TAFA1: variants seen among roughly 807,000 people sequenced by gnomAD.
The protein encoded by TAFA1 is chemokine-like protein TAFA-1.
Under a neutral mutation model 18.5 loss-of-function variants are expected in TAFA1, and 4 were observed. That is an observed-to-expected ratio of 0.22 (90% CI 0.11 to 0.49). TAFA1 has a LOEUF of 0.49. TAFA1 is among the 20% of genes least tolerant of loss of function. The pLI, the probability that TAFA1 is intolerant of heterozygous loss-of-function variation, is 0.98. For missense variants in TAFA1, 147 were observed against 169.0 expected, an observed-to-expected ratio of 0.87 and a Z score of 0.72; for synonymous variants, 56 against 55.2, an observed-to-expected ratio of 1.01 and a Z score of -0.06.
intron 3 of TAFA1, among the ~76,000 whole-genome samples, chr3:68,514,568 A>G (rs75197305): frequency 0.019 from 2,818 of 152,212 alleles, 101 homozygotes; most frequent in African/African-American, 0.064. Context: ...CAAGGCAATG[A>G]CTGACTTCAG....
At chr3:68,205,125 A>C (rs1326229542) in intron 2 of TAFA1, among the ~76,000 whole-genome samples, 1 of 151,882 alleles carries the variant, frequency 6.6e-6, no homozygotes, top group Non-Finnish European at 1.5e-5. Flanking sequence ...GGATTATCTG[A>C]GGATGTCTTT....
At chr3:68,471,115 A>T (rs1436432661) in intron 3 of TAFA1, among the ~76,000 whole-genome samples, 2 of 152,210 alleles carry the variant, frequency 1.3e-5, no homozygotes, top group African/African-American at 4.8e-5. Flanking sequence ...GGCAGCTTCC[A>T]TGTGGTATTG....
chr3:68,132,286 A>G (rs1575635514), intron 2 of TAFA1, among the ~76,000 whole-genome samples: 1 of 152,144 alleles, frequency 6.6e-6, no homozygotes, highest in South Asian at 2.1e-4. Flanking sequence ...TCATTGACGG[A>G]CATTTGGGTT....
intron 3 of TAFA1, among the ~76,000 whole-genome samples, chr3:68,477,367 T>G (rs2072119790): frequency 6.6e-6 from 1 of 152,084 alleles, no homozygotes. Context: ...TTATAAATAG[T>G]GCTTTTAAAA....
intron 2 of TAFA1, among the ~76,000 whole-genome samples, chr3:68,023,120 C>G (rs1042329252): frequency 7.2e-5 from 11 of 151,876 alleles, no homozygotes; most frequent in Non-Finnish European, 1.6e-4. Flanking sequence ...GACTACAACA[C>G]AGAAATTTTC....
At chr3:68,299,423 C>T (rs573207431) in intron 2 of TAFA1, among the ~76,000 whole-genome samples, 1 of 152,234 alleles carries the variant, frequency 6.6e-6, no homozygotes, top group East Asian at 1.9e-4. Context: ...GACTTGGGTG[C>T]TCAGTTTTAC....
At chr3:68,359,083 T>C (rs538878767) in intron 2 of TAFA1, among the ~76,000 whole-genome samples, 4 of 152,062 alleles carry the variant, frequency 2.6e-5, no homozygotes, top group Non-Finnish European at 5.9e-5. Context: ...AGCACTGTTG[T>C]CTACTCTTGG....
At chr3:68,514,852 A>G (rs1332762631) in intron 3 of TAFA1, among the ~76,000 whole-genome samples, 2 of 152,312 alleles carry the variant, frequency 1.3e-5, no homozygotes, top group African/African-American at 2.4e-5. Context: ...TTTTAGTTGT[A>G]TATGACAGCC....
chr3:68,004,382 T>C lies in TAFA1; in HGVS notation c.-324T>C, dbSNP rs1704321975. ...ATTCTCATCAGGAAACTGCACATTATCTCCCCATCACTTCAAAGGTCTCGT... is the reference window on the plus strand; with the variant it reads ...ATTCTCATCAGGAAACTGCACATTACCTCCCCATCACTTCAAAGGTCTCGT... On this transcript the variant is annotated 5_prime_UTR_variant, in exon 1 of 5. Coordinates refer to ENST00000478136, the MANE Select transcript of TAFA1 (RefSeq NM_213609.4). 1 of 152,032 alleles carries C rather than the reference T, an allele frequency of 6.6e-6. No homozygotes were observed. The highest frequency in any genetic ancestry group is 1.5e-5 in the Non-Finnish European group (1 of 68,012). The allele number at this position is 152,032 out of a possible 1,614,324, so 9.4% of individuals were successfully genotyped here. A position where few individuals can be genotyped will look rare whatever the true frequency, so the allele number is the denominator to read the frequency against.
chr3:68,507,896 AGTAT>A (rs1384807117), intron 3 of TAFA1, among the ~76,000 whole-genome samples: 2 of 152,170 alleles, frequency 1.3e-5, no homozygotes, highest in Non-Finnish European at 2.9e-5. Flanking sequence ...ATTACAAAGT[AGTAT>A]TTATTTAGAT....
At chr3:68,346,011 A>T (rs1274165693) in intron 2 of TAFA1, among the ~76,000 whole-genome samples, 1 of 152,134 alleles carries the variant, frequency 6.6e-6, no homozygotes, top group African/African-American at 2.4e-5. Flanking sequence ...GCTACTTCGC[A>T]GCTCTTTTTT....
At chr3:68,044,673 G>C (rs1575589126) in intron 2 of TAFA1, among the ~76,000 whole-genome samples, 1 of 152,236 alleles carries the variant, frequency 6.6e-6, no homozygotes, top group African/African-American at 2.4e-5. Flanking sequence ...TAGAGAGAGA[G>C]AAAGTGTGCT....
At chr3:68,195,772 TTATAA>T (rs984223741) in intron 2 of TAFA1, among the ~76,000 whole-genome samples, 3 of 151,722 alleles carry the variant, frequency 2.0e-5, no homozygotes, top group Non-Finnish European at 3.0e-5. Flanking sequence ...ATTAGGGTTC[TTATAA>T]TATAATATTT....
At position 68,527,883 on chromosome 3, in the gene TAFA1, T is replaced by G. The variant is rs546035225; in HGVS notation, c.260-10873T>G. 4.6e-5 allele frequency among the ~76,000 whole-genome samples: 7 copies of G among 152,194 alleles called. No individual in the cohort carries two copies. In the East Asian group the frequency reaches 1.4e-3, roughly 29 times the overall value. ...TTCAATCCTCCCATTTCACAATCCATGTCCTCCCCTCTACCCTCACCAAGA... is the reference window on the plus strand; with the variant it reads ...TTCAATCCTCCCATTTCACAATCCAGGTCCTCCCCTCTACCCTCACCAAGA... On this transcript the variant is annotated intron_variant, in intron 3 of 4. Coordinates refer to ENST00000478136, the MANE Select transcript of TAFA1 (RefSeq NM_213609.4).
intron 2 of TAFA1, among the ~76,000 whole-genome samples, chr3:68,095,493 C>G (rs536329915): frequency 6.6e-6 from 1 of 152,240 alleles, no homozygotes; most frequent in South Asian, 2.1e-4. Context: ...TCAGGACCCA[C>G]TTTCCATGGT....
intron 2 of TAFA1, among the ~76,000 whole-genome samples, chr3:68,377,525 A>G (rs1021457074): frequency 3.3e-5 from 5 of 152,228 alleles, no homozygotes; most frequent in Admixed American, 6.5e-5. Context: ...AGCAGAGCTA[A>G]AAGTTTGGAA....
chr3:68,198,940 C>T (rs2066442969), intron 2 of TAFA1, among the ~76,000 whole-genome samples: 1 of 151,438 alleles, frequency 6.6e-6, no homozygotes, highest in African/African-American at 2.4e-5. Flanking sequence ...GAAAAGTAAT[C>T]ACCAAACCCA....
At position 68,467,549 on chromosome 3, in the gene TAFA1, G is replaced by A. The variant is rs1207240229; in HGVS notation, c.259+50129G>A. Among the ~76,000 whole-genome samples, 4 of 152,172 alleles carry A rather than the reference G, an allele frequency of 2.6e-5. No individual in the cohort carries two copies. The East Asian group carries it at 5.8e-4, about 22-fold the overall frequency. ...GATAGATGTGAAGACCACTGCAAGGGGGTCTTGGACTCGACTTCAAATGTA... is the reference window on the plus strand; with the variant it reads ...GATAGATGTGAAGACCACTGCAAGGAGGTCTTGGACTCGACTTCAAATGTA... On this transcript the variant is annotated intron_variant, in intron 3 of 4. Coordinates refer to ENST00000478136, the MANE Select transcript of TAFA1 (RefSeq NM_213609.4).
intron 2 of TAFA1, among the ~76,000 whole-genome samples, chr3:68,293,506 T>G (rs931746798): frequency 2.6e-5 from 4 of 152,208 alleles, no homozygotes; most frequent in African/African-American, 9.7e-5. Flanking sequence ...AAACAAGGAC[T>G]CAAACCCTAT....
Sources: gnomAD v4.1 joint callset for allele counts (sites outside exome capture counted in the v4.1 genomes callset) on GRCh38, gnomAD v4.1.1 for gene constraint, MANE v1.5 for transcripts, NCBI Gene and HGNC (gene_info 2026-07-23, HGNC 2026-07-21) for gene names.